The following ARID4B variants were observed in gnomAD, a reference collection of about 807,000 sequenced individuals.
ARID4B encodes AT-rich interaction domain 4B.
Under a neutral mutation model 147.5 loss-of-function variants are expected in ARID4B, and 26 were observed. The ratio of observed to expected loss-of-function variants is 0.18; its 90% CI spans 0.13 to 0.24. The LOEUF (loss-of-function observed/expected upper bound fraction) is 0.24, where lower values mean the gene tolerates loss of function less well. ARID4B is among the 10% of genes least tolerant of loss of function. The pLI, the probability that ARID4B is intolerant of heterozygous loss-of-function variation, is 1.00. For missense variants in ARID4B, 1,179 were observed against 1,511.5 expected, an observed-to-expected ratio of 0.78 and a Z score of 3.65; for synonymous variants, 512 against 507.9, an observed-to-expected ratio of 1.01 and a Z score of -0.11.
At chr1:235,224,188 T>C (rs1286905873) in intron 12 of ARID4B, among the ~76,000 whole-genome samples, 1 of 152,152 alleles carries the variant, frequency 6.6e-6, no homozygotes, top group Non-Finnish European at 1.5e-5. Context: ...CTTACTCCCT[T>C]ACAAGCATCT....
rs926793381 is a variant in ARID4B, at chr1:235,167,380, G to A, written c.*1145C>T. ...CACAATATACAAATGTCTTACAAAG[G>A]TGAAGAATTAAATACAAGTGCCAAA... On this transcript the variant is annotated 3_prime_UTR_variant, in exon 24 of 24. Transcript: ENST00000264183. 10 of 221,348 alleles carry A rather than the reference G, an allele frequency of 4.5e-5. No homozygotes were observed. The highest frequency in any genetic ancestry group is 2.2e-4 in the African/African-American group (10 of 44,622). The allele number at this position is 221,348 out of a possible 1,614,324, so 13.7% of individuals were successfully genotyped here.
chr1:235,254,781 G>A (rs917707025), intron 5 of ARID4B, among the ~76,000 whole-genome samples: 8 of 151,756 alleles, frequency 5.3e-5, no homozygotes, highest in South Asian at 2.1e-4. Context: ...AACTCAAAAC[G>A]GAGAAAACAC....
chr1:235,245,167 TAG>T (rs1669223148), intron 7 of ARID4B, among the ~76,000 whole-genome samples: 1 of 152,218 alleles, frequency 6.6e-6, no homozygotes, highest in Non-Finnish European at 1.5e-5. Context: ...TCATTACACA[TAG>T]AGATTCTCAA....
At chr1:235,200,148 G>A (rs578154610) in intron 17 of ARID4B, among the ~76,000 whole-genome samples, 2 of 152,088 alleles carry the variant, frequency 1.3e-5, no homozygotes, top group East Asian at 3.9e-4. Flanking sequence ...GTGAAACTCC[G>A]TCTCTAACAA....
intron 19 of ARID4B, among the ~76,000 whole-genome samples, chr1:235,185,211 G>A (rs535470628): frequency 2.6e-5 from 4 of 152,188 alleles, no homozygotes; most frequent in African/African-American, 9.6e-5. Flanking sequence ...TCTATATATA[G>A]TTATCTTTCA....
At chr1:235,317,506 T>C (rs1400943176) in intron 2 of ARID4B, among the ~76,000 whole-genome samples, 1 of 152,228 alleles carries the variant, frequency 6.6e-6, no homozygotes, top group African/African-American at 2.4e-5. Context: ...ATTAACCAGC[T>C]TAAAATAACA....
chr1:235,300,207 G>T (rs965526782), intron 2 of ARID4B, among the ~76,000 whole-genome samples: 11 of 152,252 alleles, frequency 7.2e-5, no homozygotes, highest in Admixed American at 5.2e-4. Flanking sequence ...CTTGAGGTCA[G>T]GAGTCCGAGA....
chr1:235,233,141 T>C (rs1668347654), intron 9 of ARID4B, among the ~76,000 whole-genome samples: 1 of 152,022 alleles, frequency 6.6e-6, no homozygotes, highest in African/African-American at 2.4e-5. Context: ...CCAGCCTACA[T>C]ACTGTTTTTG....
intron 9 of ARID4B, among the ~76,000 whole-genome samples, chr1:235,232,448 T>C (rs1668300417): frequency 6.7e-6 from 1 of 149,620 alleles, no homozygotes; most frequent in Admixed American, 6.7e-5. Flanking sequence ...ATAAAATAAA[T>C]AAATAAATAA....
intron 23 of ARID4B, among the ~76,000 whole-genome samples, chr1:235,171,821 T>C (rs1013478537): frequency 6.6e-6 from 1 of 152,106 alleles, no homozygotes; most frequent in African/African-American, 2.4e-5. Flanking sequence ...TTGTATTTTT[T>C]AGTAGAGACG....
At chr1:235,320,058 C>T (rs1218524853) in intron 2 of ARID4B, among the ~76,000 whole-genome samples, 1 of 151,336 alleles carries the variant, frequency 6.6e-6, no homozygotes, top group African/African-American at 2.4e-5. Context: ...ACCTGGGAGG[C>T]AGAGGTTGCA....
At chr1:235,293,291 G>C (rs1366482772) in intron 2 of ARID4B, among the ~76,000 whole-genome samples, 3 of 151,994 alleles carry the variant, frequency 2.0e-5, no homozygotes, top group Non-Finnish European at 2.9e-5. Flanking sequence ...TTTAAATACT[G>C]ATCATTAACA....
intron 2 of ARID4B, among the ~76,000 whole-genome samples, chr1:235,287,333 C>A (rs1437948759): frequency 6.6e-6 from 1 of 151,868 alleles, no homozygotes; most frequent in Non-Finnish European, 1.5e-5. Context: ...CAGATCTGAT[C>A]CCAGACTACT....
chr1:235,227,835 T>TC (rs1245829573), intron 11 of ARID4B, among the ~76,000 whole-genome samples: 2 of 149,808 alleles, frequency 1.3e-5, no homozygotes, highest in South Asian at 2.1e-4. Context: ...CTGCTATTTT[T>TC]TTTTTTTTTT....
Position 235,212,131 on chromosome 1 carries a change from G to A in ARID4B, c.1841+1638C>T, listed in dbSNP as rs574154206. Among the ~76,000 whole-genome samples the A allele has an allele frequency of 3.9e-5, 6 of 152,184 alleles. No individual in the cohort carries two copies. In the South Asian group the frequency reaches 1.2e-3, roughly 32 times the overall value. ...ACAATGGTGGGCGCCTATAATCCTA[G>A]CTACTCAGGAGGCTGCAGCACAAGA... On this transcript the variant is annotated intron_variant, in intron 17 of 23. Transcript: ENST00000264183.
chr1:235,229,900 A>G (rs1344284630), intron 10 of ARID4B, among the ~76,000 whole-genome samples: 1 of 152,250 alleles, frequency 6.6e-6, no homozygotes, highest in Non-Finnish European at 1.5e-5. Flanking sequence ...TTCTCATTTT[A>G]TAATATATGG....
intron 12 of ARID4B, 45 bp from the exon 13 acceptor site, chr1:235,223,305 T>A (rs1436623981): frequency 7.0e-6 from 7 of 1,003,712 alleles, no homozygotes; most frequent in Non-Finnish European, 9.7e-6. Flanking sequence ...ACTACATTTT[T>A]AATTTAAAAT....
At chr1:235,325,469 T>C (rs1675163487) in intron 2 of ARID4B, among the ~76,000 whole-genome samples, 1 of 152,146 alleles carries the variant, frequency 6.6e-6, no homozygotes, top group Non-Finnish European at 1.5e-5. Flanking sequence ...ACCTAAGAAG[T>C]GACAAGCACT....
chr1:235,266,234 G>C (rs1013883414), intron 2 of ARID4B, among the ~76,000 whole-genome samples: 1 of 152,012 alleles, frequency 6.6e-6, no homozygotes, highest in Non-Finnish European at 1.5e-5. Context: ...CCAATTTAGA[G>C]ACATAAAAAA....
Sources: allele counts gnomAD v4.1 joint callset (sites outside exome capture counted in the v4.1 genomes callset), GRCh38; gene constraint gnomAD v4.1.1; transcripts MANE v1.5; gene names NCBI Gene and HGNC (gene_info 2026-07-23, HGNC 2026-07-21).